Variants in CTNNA3 observed in about 807,000 individuals in gnomAD.
CTNNA3 encodes the protein catenin alpha-3.
CTNNA3 carries 76 observed loss-of-function variants against 95.7 expected under a neutral mutation model. The ratio of observed to expected loss-of-function variants is 0.79; its 90% CI spans 0.66 to 0.96. The LOEUF (loss-of-function observed/expected upper bound fraction) is 0.96, where lower values mean the gene tolerates loss of function less well. Among genes scored for constraint, CTNNA3 ranks in the 40% least tolerant of loss-of-function variants. The pLI is 0.00. For synonymous variants in CTNNA3, 431 were observed against 374.4 expected (o/e 1.15, Z -1.74); for missense variants, 1,191 against 1,089.8 (o/e 1.09, Z -1.31).
At chr10:66,844,296 T>C (rs1843174240) in intron 7 of CTNNA3, among the ~76,000 whole-genome samples, 1 of 152,236 alleles carries the variant, frequency 6.6e-6, no homozygotes, top group African/African-American at 2.4e-5. Context: ...GTTCTATTCC[T>C]TGGTTATTCT....
chr10:66,570,132 T>A (rs1295037056), intron 10 of CTNNA3, among the ~76,000 whole-genome samples: 2 of 152,110 alleles, frequency 1.3e-5, no homozygotes, highest in African/African-American at 4.8e-5. Flanking sequence ...AACAGTCCAA[T>A]GGACCCTTTT....
Position 66,110,301 on chromosome 10 carries a change from G to A in CTNNA3, c.1885-7052C>T, listed in dbSNP as rs142566517. ...CATTTGAACCTGGGAGGTGGAGGTTGCAGTGAGCCAATATCATGCCACTGC... is the reference window on the plus strand; with the variant it reads ...CATTTGAACCTGGGAGGTGGAGGTTACAGTGAGCCAATATCATGCCACTGC... On this transcript the variant is annotated intron_variant, in intron 13 of 17. Coordinates refer to ENST00000433211, the MANE Select transcript of CTNNA3 (RefSeq NM_013266.4). Among the ~76,000 whole-genome samples the A allele has an allele frequency of 4.4e-3, 660 of 150,202 alleles. 5 individuals carry two copies. Among genetic ancestry groups the A allele is most frequent in the African/African-American group, 0.015 (618 of 40,660 alleles).
chr10:67,377,688 A>G (rs1843749809), intron 5 of CTNNA3, among the ~76,000 whole-genome samples: 1 of 152,150 alleles, frequency 6.6e-6, no homozygotes, highest in Admixed American at 6.6e-5. Flanking sequence ...GTACATAGTG[A>G]TGTTTCAATG....
At chr10:66,625,015 TGAAAA>T (rs10597724) in intron 9 of CTNNA3, among the ~76,000 whole-genome samples, 49,182 of 151,720 alleles carry the variant, frequency 0.32, 8,360 homozygotes, top group African/African-American at 0.38. Context: ...ACACATTTAT[TGAAAA>T]GAAAAACCTG....
At chr10:66,488,187 C>T (rs1377896601) in intron 11 of CTNNA3, among the ~76,000 whole-genome samples, 1 of 152,162 alleles carries the variant, frequency 6.6e-6, no homozygotes, top group Non-Finnish European at 1.5e-5. Flanking sequence ...TCTTTTGATG[C>T]AATTAGACCA....
intron 13 of CTNNA3, among the ~76,000 whole-genome samples, chr10:66,155,573 A>G (rs1031010660): frequency 6.6e-6 from 1 of 151,864 alleles, no homozygotes; most frequent in African/African-American, 2.4e-5. Context: ...CAGCAACAAC[A>G]ATAATATGAA....
At chr10:66,929,078 T>C (rs1847230293) in intron 7 of CTNNA3, among the ~76,000 whole-genome samples, 1 of 151,980 alleles carries the variant, frequency 6.6e-6, no homozygotes, top group Non-Finnish European at 1.5e-5. Flanking sequence ...AGGGACAAAG[T>C]GATGAAGGGT....
intron 7 of CTNNA3, among the ~76,000 whole-genome samples, chr10:66,955,593 A>G (rs1198530818): frequency 6.6e-6 from 1 of 152,142 alleles, no homozygotes; most frequent in Non-Finnish European, 1.5e-5. Context: ...CAGAGTAGAC[A>G]CTCAATAAAT....
chr10:67,751,195 C>T, intron 1 of CTNNA3: 1 of 1,286,282 alleles, frequency 7.8e-7, no homozygotes, highest in Non-Finnish European at 1.1e-6. Context: ...TTGCAATCCT[C>T]TCATTTGGAG....
intron 7 of CTNNA3, among the ~76,000 whole-genome samples, chr10:67,001,215 C>T (rs1851666486): frequency 6.7e-6 from 1 of 149,322 alleles, no homozygotes; most frequent in African/African-American, 2.5e-5. Flanking sequence ...GCAGGAGAAT[C>T]GCTTGAACCA....
chr10:66,009,618 T>C (rs1027024156), intron 15 of CTNNA3, among the ~76,000 whole-genome samples: 11 of 152,244 alleles, frequency 7.2e-5, no homozygotes, highest in African/African-American at 2.7e-4. Flanking sequence ...AACTCCAATG[T>C]TATTTTTTCC....
rs555655812 is a variant in CTNNA3 at position 65,969,434 on chromosome 10, G to A, written c.2266-2688C>T. The stretch of plus-strand genomic sequence containing the variant: ...CTCCAGCTATGGTCCCCAGCAAAGT[G>A]GAAACTTGGAAATGACAGATAAAGA... On this transcript the variant is annotated intron_variant, in intron 16 of 17. Coordinates refer to ENST00000433211, the MANE Select transcript of CTNNA3 (RefSeq NM_013266.4). Among the ~76,000 whole-genome samples the A allele has an allele frequency of 1.5e-4, 23 of 152,210 alleles. No homozygotes were observed. In the South Asian group the frequency reaches 2.3e-3, roughly 15 times the overall value.
chr10:66,094,176 C>T (rs10996891), intron 14 of CTNNA3, among the ~76,000 whole-genome samples: 26,745 of 151,814 alleles, frequency 0.18, 2,644 homozygotes, highest in South Asian at 0.36. Flanking sequence ...GAGGGGGCAG[C>T]GTAGGAATTG....
intron 3 of CTNNA3, among the ~76,000 whole-genome samples, chr10:67,548,208 TC>T (rs1840906402): frequency 6.6e-6 from 1 of 152,208 alleles, no homozygotes; most frequent in African/African-American, 2.4e-5. Flanking sequence ...GCTCCCACTC[TC>T]GTCATGTGAC....
chr10:66,950,743 A>G (rs982141257), intron 7 of CTNNA3, among the ~76,000 whole-genome samples: 2 of 152,214 alleles, frequency 1.3e-5, no homozygotes, highest in African/African-American at 4.8e-5. Context: ...ACATTTATTC[A>G]GCTGCAACTA....
chr10:67,691,182 G>A (rs1336510389), intron 1 of CTNNA3, among the ~76,000 whole-genome samples: 2 of 152,160 alleles, frequency 1.3e-5, no homozygotes, highest in East Asian at 1.9e-4. Context: ...ATGGAGTCTC[G>A]TTCACTCAGT....
chr10:66,413,663 T>C (rs1045758395), intron 11 of CTNNA3, among the ~76,000 whole-genome samples: 3 of 152,194 alleles, frequency 2.0e-5, no homozygotes, highest in Admixed American at 6.5e-5. Context: ...TATAAAGGCA[T>C]GGAAATACAA....
rs185196187 is a variant in CTNNA3 at position 66,798,778 on chromosome 10, G to A, written c.1048-23254C>T. Reference sequence around the variant, plus strand: ...GTACGTTACCTGTTCAAGTCTCCAAGGTAGAGGTAAAAAGTAACATTTCAG... The same window carrying A: ...GTACGTTACCTGTTCAAGTCTCCAAAGTAGAGGTAAAAAGTAACATTTCAG... On this transcript the variant is annotated intron_variant, in intron 7 of 17. Transcript: ENST00000433211. Among the ~76,000 whole-genome samples the A allele has an allele frequency of 4.2e-4, 64 of 151,592 alleles. No homozygotes were observed. The East Asian group carries it at 0.01, about 24-fold the overall frequency.
intron 13 of CTNNA3, among the ~76,000 whole-genome samples, chr10:66,229,834 G>A (rs2089499661): frequency 6.6e-6 from 1 of 151,810 alleles, no homozygotes; most frequent in Admixed American, 6.6e-5. Context: ...CTTTTCTCTT[G>A]CTGTAACTTC....
Sources: gnomAD v4.1 joint callset for allele counts (sites outside exome capture counted in the v4.1 genomes callset) on GRCh38, gnomAD v4.1.1 for gene constraint, MANE v1.5 for transcripts, NCBI Gene and HGNC (gene_info 2026-07-23, HGNC 2026-07-21) for gene names.